UST: variants seen among roughly 807,000 people sequenced by gnomAD.
The protein encoded by UST is uronyl 2-sulfotransferase, also known as chondroitin sulfate 2-O-sulfotransferase.
UST carries 21 observed loss-of-function variants against 45.6 expected under a neutral mutation model. The ratio of observed to expected loss-of-function variants is 0.46; its 90% CI spans 0.33 to 0.66. The LOEUF is 0.66. Among genes scored for constraint, UST ranks in the 30% least tolerant of loss-of-function variants. UST has a pLI of 0.02. For synonymous variants in UST, 215 were observed against 200.6 expected (o/e 1.07, Z -0.61); for missense variants, 463 against 512.4 (o/e 0.90, Z 0.93).
chr6:148,801,625 T>C (rs9498162), intron 1 of UST, among the ~76,000 whole-genome samples: 21,689 of 152,094 alleles, frequency 0.14, 1,725 homozygotes, highest in Non-Finnish European at 0.17. Flanking sequence ...CAGCCAAGAT[T>C]AAACCCTCAA....
intron 1 of UST, among the ~76,000 whole-genome samples, chr6:148,814,678 C>T (rs11155599): frequency 0.27 from 40,801 of 151,994 alleles, 5,663 homozygotes; most frequent in African/African-American, 0.34. Context: ...CAGAAAAGCA[C>T]GATGATTATT....
chr6:149,062,724 A>C (rs75044814), intron 7 of UST, among the ~76,000 whole-genome samples: 2,375 of 152,362 alleles, frequency 0.016, 63 homozygotes, highest in African/African-American at 0.054. Context: ...AAGGCTGAGA[A>C]TCAGAAAGCC....
chr6:148,890,418 G>A (rs1374979960), intron 2 of UST, among the ~76,000 whole-genome samples: 1 of 152,092 alleles, frequency 6.6e-6, no homozygotes, highest in Non-Finnish European at 1.5e-5. Flanking sequence ...ACCCTGGCAG[G>A]GAAAAGCAAG....
chr6:148,991,448 T>G (rs1251916016), intron 5 of UST, among the ~76,000 whole-genome samples: 2 of 151,846 alleles, frequency 1.3e-5, no homozygotes, highest in Non-Finnish European at 2.9e-5. Flanking sequence ...GCCATGTTGG[T>G]GTGCTGCACC....
At chr6:149,015,909 G>C (rs1287109009) in intron 5 of UST, among the ~76,000 whole-genome samples, 1 of 152,218 alleles carries the variant, frequency 6.6e-6, no homozygotes, top group African/African-American at 2.4e-5. Flanking sequence ...CTCACTGAAG[G>C]TCTCGGTTCT....
At position 148,949,395 on chromosome 6, in the gene UST, AAATAATAATAAT is replaced by A. The variant is rs71007932; in HGVS notation, c.448-4448_448-4437del. ...CCTGGGCAGCAGAGACTTTGTCTCA[AAATAATAATAAT>A]AATAATAATAATAATAATAATAATA... On this transcript the variant is annotated intron_variant, in intron 3 of 7. Coordinates refer to ENST00000367463, the MANE Select transcript of UST (RefSeq NM_005715.3). 1.7e-3 allele frequency among the ~76,000 whole-genome samples: 229 copies of A among 136,858 alleles called. 2 individuals carry two copies. In the East Asian group the frequency reaches 0.034, roughly 20 times the overall value. The allele number at this position is 136,858 out of a possible 152,430, so 89.8% of individuals were successfully genotyped here.
At chr6:149,061,196 A>T (rs1776650298) in intron 7 of UST, among the ~76,000 whole-genome samples, 1 of 152,008 alleles carries the variant, frequency 6.6e-6, no homozygotes, top group Non-Finnish European at 1.5e-5. Flanking sequence ...GTATTTCCAG[A>T]TTGTTTATTC....
At chr6:148,859,514 A>T (rs1028158205) in intron 1 of UST, among the ~76,000 whole-genome samples, 1 of 152,002 alleles carries the variant, frequency 6.6e-6, no homozygotes, top group Non-Finnish European at 1.5e-5. Context: ...CCCATTTGTC[A>T]ATTTTGGCTT....
At chr6:148,975,773 T>C (rs1418118417) in intron 5 of UST, among the ~76,000 whole-genome samples, 2 of 152,082 alleles carry the variant, frequency 1.3e-5, no homozygotes, top group Non-Finnish European at 2.9e-5. Context: ...ATCAAATAAA[T>C]TCAGATGGAT....
chr6:148,943,739 T>G (rs916282287), intron 3 of UST, among the ~76,000 whole-genome samples: 1 of 152,144 alleles, frequency 6.6e-6, no homozygotes, highest in African/African-American at 2.4e-5. Flanking sequence ...TTGAAACATT[T>G]CTGATTCCTG....
chr6:148,879,733 G>C (rs1778788010), intron 1 of UST, among the ~76,000 whole-genome samples: 1 of 152,128 alleles, frequency 6.6e-6, no homozygotes, highest in African/African-American at 2.4e-5. Flanking sequence ...GTGTTGTTCT[G>C]AGCATTTTTC....
intron 7 of UST, among the ~76,000 whole-genome samples, chr6:149,038,182 T>C (rs1434980170): frequency 6.6e-6 from 1 of 152,042 alleles, no homozygotes; most frequent in Non-Finnish European, 1.5e-5. Flanking sequence ...TTCACATCTC[T>C]GTTAGGTAGT....
chr6:148,861,591 G>A (rs146167793), intron 1 of UST, among the ~76,000 whole-genome samples: 6 of 152,062 alleles, frequency 3.9e-5, no homozygotes, highest in African/African-American at 1.4e-4. Context: ...TGTGATATTA[G>A]GGTGTCAATT....
At chr6:148,847,155 T>C (rs1227101073) in intron 1 of UST, among the ~76,000 whole-genome samples, 2 of 152,268 alleles carry the variant, frequency 1.3e-5, no homozygotes, top group Admixed American at 1.3e-4. Flanking sequence ...AGAAGGCACT[T>C]AGCAGCTTAA....
intron 2 of UST, among the ~76,000 whole-genome samples, chr6:148,891,869 C>T (rs141596681): frequency 3.4e-3 from 511 of 152,250 alleles, no homozygotes; most frequent in Middle Eastern, 0.014. Context: ...CTACTTTATC[C>T]GTTTTCTTCC....
chr6:148,782,464 T>C (rs1776660447), intron 1 of UST, among the ~76,000 whole-genome samples: 1 of 150,500 alleles, frequency 6.6e-6, no homozygotes, highest in South Asian at 2.1e-4. Context: ...CTTCTTTTTT[T>C]TTTTGAGACA....
intron 2 of UST, among the ~76,000 whole-genome samples, chr6:148,909,748 G>A (rs1223214738): frequency 6.6e-6 from 1 of 152,134 alleles, no homozygotes; most frequent in African/African-American, 2.4e-5. Context: ...ACTTTGCTTT[G>A]CTCGAAGTAT....
intron 5 of UST, among the ~76,000 whole-genome samples, chr6:149,011,667 C>T (rs979891800): frequency 2.6e-5 from 4 of 151,996 alleles, no homozygotes; most frequent in East Asian, 1.9e-4. Context: ...AAAAACTAGC[C>T]GGGTGTGGGT....
intron 5 of UST, among the ~76,000 whole-genome samples, chr6:149,017,795 TATATACAC>T (rs1276700943): frequency 1.4e-3 from 73 of 51,138 alleles, no homozygotes; most frequent in South Asian, 2.6e-3. Context: ...TGAATATCCA[TATATACAC>T]ACACACACAC....
Sources: allele counts gnomAD v4.1 joint callset (sites outside exome capture counted in the v4.1 genomes callset), GRCh38; gene constraint gnomAD v4.1.1; transcripts MANE v1.5; gene names NCBI Gene and HGNC (gene_info 2026-07-23, HGNC 2026-07-21).